The following FAAH2 variants were observed in gnomAD, a reference collection of about 807,000 sequenced individuals.
The protein encoded by FAAH2 is fatty-acid amide hydrolase 2.
Under a neutral mutation model 36.9 loss-of-function variants are expected in FAAH2, and 60 were observed. The observed-to-expected ratio is 1.63, with a 90% CI of 1.32 to 2.02. The LOEUF (loss-of-function observed/expected upper bound fraction) is 2.02, where lower values mean the gene tolerates loss of function less well. Among genes scored for constraint, FAAH2 ranks in the 30% most tolerant of loss-of-function variants. The pLI, the probability that FAAH2 is intolerant of heterozygous loss-of-function variation, is 0.00. For synonymous variants in FAAH2, 214 were observed against 143.8 expected, an observed-to-expected ratio of 1.49 and a Z score of -3.49; for missense variants, 689 against 397.5, an observed-to-expected ratio of 1.73 and a Z score of -6.23.
intron 8 of FAAH2, among the ~76,000 whole-genome samples, chrX:57,446,610 A>T (rs1447916131): frequency 8.9e-6 from 1 of 111,861 alleles, no homozygotes; most frequent in Non-Finnish European, 1.9e-5. Context: ...TAAGTAACCA[A>T]GAATCTACTT....
intron 2 of FAAH2, among the ~76,000 whole-genome samples, chrX:57,299,407 A>G (rs748944144): frequency 9.0e-6 from 1 of 111,176 alleles, no homozygotes; most frequent in Admixed American, 9.6e-5. Flanking sequence ...ATTCAACAAC[A>G]CTTCATGCTA....
intron 3 of FAAH2, among the ~76,000 whole-genome samples, chrX:57,321,839 G>C (rs1464335110): frequency 9.0e-6 from 1 of 111,384 alleles, no homozygotes; most frequent in African/African-American, 3.3e-5. Flanking sequence ...TTGCTTTTTA[G>C]GGTCACCAGT....
the FAAH2 span, among the ~76,000 whole-genome samples, chrX:57,149,597 G>A: frequency 9.0e-6 from 1 of 111,180 alleles, no homozygotes; most frequent in African/African-American, 3.3e-5. Context: ...TGGGATCGGT[G>A]GTGATATCCC....
the FAAH2 span, among the ~76,000 whole-genome samples, chrX:57,238,927 A>G: frequency 8.9e-6 from 1 of 112,250 alleles, no homozygotes. Flanking sequence ...TTAAGATAAT[A>G]ACCTCCAGTT....
At chrX:57,268,924 C>T in the FAAH2 span, among the ~76,000 whole-genome samples, 2 of 111,265 alleles carry the variant, frequency 1.8e-5, no homozygotes, top group Admixed American at 9.5e-5. Flanking sequence ...CTAAATGCTC[C>T]AATTAAAAGA....
In FAAH2 at chrX:57,394,394, G is replaced by T. The variant is rs149209746; in HGVS notation, c.996+13365G>T. On this transcript the variant is annotated intron_variant, in intron 7 of 10. Coordinates refer to ENST00000374900, the MANE Select transcript of FAAH2 (RefSeq NM_174912.4). ...TGCTGACAGCAGAACTTTGGCCTTT[G>T]TTTCACCATATAATTCTACCTCTTC... 1.0e-3 allele frequency: 1,200 copies of T among 1,194,635 alleles called. 10 individuals are homozygous for T. The African/African-American group carries it at 0.019, about 19-fold the overall frequency.
chrX:57,395,081 C>CA, intron 7 of FAAH2: 1 of 548,737 alleles, frequency 1.8e-6, no homozygotes, highest in South Asian at 2.3e-5. Context: ...ATTGATCACT[C>CA]CTTCAGTGTA....
At chrX:57,164,452 G>A in the FAAH2 span, among the ~76,000 whole-genome samples, 2 of 111,696 alleles carry the variant, frequency 1.8e-5, no homozygotes, top group East Asian at 2.8e-4. Context: ...AGTACAATAC[G>A]AACTTTGATG....
intron 7 of FAAH2, among the ~76,000 whole-genome samples, chrX:57,395,634 G>T (rs2055276283): frequency 1.8e-5 from 2 of 111,796 alleles, no homozygotes; most frequent in South Asian, 7.5e-4. Context: ...ATCATGTAGT[G>T]TTTGTTTTTT....
chrX:57,319,477 C>G (rs867318726), intron 3 of FAAH2, among the ~76,000 whole-genome samples: 1 of 111,518 alleles, frequency 9.0e-6, no homozygotes, highest in African/African-American at 3.3e-5. Context: ...ATGTGAAGGA[C>G]CTCTTCAAGG....
At chrX:57,211,476 C>A in the FAAH2 span, among the ~76,000 whole-genome samples, 5 of 111,772 alleles carry the variant, frequency 4.5e-5, no homozygotes, top group Non-Finnish European at 7.5e-5. Context: ...AGCATGGAAC[C>A]AGGACCCCTG....
At chrX:57,199,449 T>A in the FAAH2 span, among the ~76,000 whole-genome samples, 1 of 111,554 alleles carries the variant, frequency 9.0e-6, no homozygotes, top group South Asian at 3.8e-4. Context: ...AGAATATTCT[T>A]GATATTATCT....
At chrX:57,402,226 C>T (rs911724797) in intron 7 of FAAH2, among the ~76,000 whole-genome samples, 1 of 112,013 alleles carries the variant, frequency 8.9e-6, no homozygotes, top group Non-Finnish European at 1.9e-5. Flanking sequence ...GGGCAGTGGG[C>T]CTTCCCGTGA....
At chrX:57,206,344 C>A in the FAAH2 span, among the ~76,000 whole-genome samples, 1 of 112,127 alleles carries the variant, frequency 8.9e-6, no homozygotes, top group East Asian at 2.8e-4. Context: ...ATGATAGTGT[C>A]ATTTACTAAA....
intron 5 of FAAH2, among the ~76,000 whole-genome samples, chrX:57,375,242 G>A (rs1193316544): frequency 9.2e-6 from 1 of 109,091 alleles, no homozygotes; most frequent in Admixed American, 9.9e-5. Flanking sequence ...TTCACAGAAT[G>A]ATTTAGAGAG....
intron 9 of FAAH2, 109 bp from the exon 10 acceptor site, chrX:57,448,415 C>A (rs768334798): frequency 1.2e-5 from 9 of 733,865 alleles, no homozygotes; most frequent in African/African-American, 8.6e-5. Flanking sequence ...CACTTACTTT[C>A]TCAGTGTTCT....
intron 5 of FAAH2, among the ~76,000 whole-genome samples, chrX:57,346,998 T>A (rs2053840493): frequency 2.7e-5 from 3 of 111,387 alleles, no homozygotes; most frequent in Admixed American, 1.9e-4. Context: ...TTAAGGATTT[T>A]ACTTTTCCCA....
At chrX:57,208,904 A>G in the FAAH2 span, among the ~76,000 whole-genome samples, 1 of 111,943 alleles carries the variant, frequency 8.9e-6, no homozygotes, top group African/African-American at 3.3e-5. Flanking sequence ...TGGGTGTGCC[A>G]TGTGTTCCTT....
chrX:57,415,816 A>T (rs1602585214), intron 7 of FAAH2, among the ~76,000 whole-genome samples: 1 of 110,834 alleles, frequency 9.0e-6, no homozygotes, highest in Non-Finnish European at 1.9e-5. Context: ...TCTAATATTG[A>T]CAGTGGGGTG....
Sources: allele counts gnomAD v4.1 joint callset (sites outside exome capture counted in the v4.1 genomes callset), GRCh38; gene constraint gnomAD v4.1.1; transcripts MANE v1.5; gene names NCBI Gene and HGNC (gene_info 2026-07-23, HGNC 2026-07-21).